The following HECW2 variants were observed in gnomAD, a reference collection of about 807,000 sequenced individuals.
HECW2 encodes the protein E3 ubiquitin-protein ligase HECW2.
A neutral mutation model predicts 175.2 loss-of-function variants in HECW2; 61 were observed. That is an observed-to-expected ratio of 0.35 (90% CI 0.28 to 0.43). The LOEUF is 0.43. Ranked by LOEUF, HECW2 falls within the 20% of genes least tolerant of loss-of-function variation. The pLI is 1.00. For synonymous variants in HECW2, 671 were observed against 731.0 expected, an observed-to-expected ratio of 0.92 and a Z score of 1.32; for missense variants, 1,524 against 2,000.5, an observed-to-expected ratio of 0.76 and a Z score of 4.54.
intron 1 of HECW2, among the ~76,000 whole-genome samples, chr2:196,502,962 C>T (rs1192356985): frequency 3.9e-5 from 6 of 152,204 alleles, no homozygotes; most frequent in African/African-American, 7.2e-5. Context: ...CCTTGACTTT[C>T]ATAATGGCCT....
At chr2:196,208,278 C>T (rs751805146) in intron 28 of HECW2, among the ~76,000 whole-genome samples, 2 of 152,196 alleles carry the variant, frequency 1.3e-5, no homozygotes, top group Non-Finnish European at 2.9e-5. Flanking sequence ...TCTATCCCAA[C>T]TTTTCAGATA....
intron 8 of HECW2, 45 bp downstream of exon 8, chr2:196,320,294 T>C (rs751096303): frequency 8.5e-7 from 1 of 1,177,034 alleles, no homozygotes; most frequent in Non-Finnish European, 1.2e-6. Flanking sequence ...GTTTAACAAG[T>C]TTTTCCTATA....
At position 196,198,791 on chromosome 2, in the gene HECW2, T is replaced by C. The variant is rs1309381738; in HGVS notation, c.*2486A>G. ...AAATGTTATTTAATATTTTATATAG[T>C]TATTACTGGCTGTTTTGTTTTACTA... is the stretch of plus-strand genomic sequence containing the variant. On this transcript the variant is annotated 3_prime_UTR_variant, in exon 29 of 29. Coordinates refer to ENST00000644978, the MANE Select transcript of HECW2 (RefSeq NM_001348768.2). 1 of 152,210 alleles carries C rather than the reference T, an allele frequency of 6.6e-6. No homozygotes were observed. The highest frequency in any genetic ancestry group is 1.9e-4 in the East Asian group (1 of 5,206). The allele number at this position is 152,210 out of a possible 1,614,324, so 9.4% of individuals were successfully genotyped here. A position where few individuals can be genotyped will look rare whatever the true frequency, so the allele number is the denominator to read the frequency against.
chr2:196,293,018 G>A lies in HECW2; in HGVS notation c.2815-268C>T, dbSNP rs192590364. ...CTTTTATTTGTATTTGAAGTTCTGG[G>A]GTACATGTGCAAGAAGAGCACGTTT... is the stretch of plus-strand genomic sequence containing the variant. On this transcript the variant is annotated intron_variant, in intron 13 of 28. Coordinates refer to ENST00000644978, the MANE Select transcript of HECW2 (RefSeq NM_001348768.2). 3.3e-5 allele frequency among the ~76,000 whole-genome samples: 5 copies of A among 152,198 alleles called. No individual in the cohort carries two copies. The East Asian group carries it at 9.6e-4, about 29-fold the overall frequency.
At chr2:196,243,665 T>C (rs1326210928) in intron 19 of HECW2, among the ~76,000 whole-genome samples, 2 of 151,184 alleles carry the variant, frequency 1.3e-5, no homozygotes, top group Non-Finnish European at 3.0e-5. Flanking sequence ...ACCCAACCTC[T>C]GTCTCCTGAG....
intron 2 of HECW2, among the ~76,000 whole-genome samples, chr2:196,419,205 A>C (rs571279250): frequency 2.0e-5 from 3 of 152,346 alleles, no homozygotes; most frequent in East Asian, 3.9e-4. Flanking sequence ...ATATTATAAA[A>C]TACCTAAGGG....
At chr2:196,322,822 G>A (rs1213046038) in intron 6 of HECW2, among the ~76,000 whole-genome samples, 2 of 152,186 alleles carry the variant, frequency 1.3e-5, no homozygotes, top group African/African-American at 4.8e-5. Flanking sequence ...CAGCAGTCAA[G>A]GATCTGTATG....
chr2:196,586,389 G>T (rs1383838160), intron 1 of HECW2: 1 of 152,092 alleles, frequency 6.6e-6, no homozygotes, highest in Non-Finnish European at 1.5e-5. Context: ...TTGCTCCAAA[G>T]ATATCTTACT....
At position 196,280,901 on chromosome 2, in the gene HECW2, A is replaced by G. The variant is rs557646790; in HGVS notation, c.3001-2239T>C. Among the ~76,000 whole-genome samples, 207 of 152,340 alleles carry G rather than the reference A, an allele frequency of 1.4e-3. 1 individual carries two copies. Among genetic ancestry groups the G allele is most frequent in the Admixed American group, 3.5e-3 (54 of 15,300 alleles). On this transcript the variant is annotated intron_variant, in intron 14 of 28. Coordinates refer to ENST00000644978, the MANE Select transcript of HECW2 (RefSeq NM_001348768.2). ...CCAAACCCATATCCTCTGTATGTAA[A>G]TGGAGAGTAACAAGCTTTTATTACT...
chr2:196,215,514 TGAAGGG>T (rs1374153853), intron 28 of HECW2, among the ~76,000 whole-genome samples: 7 of 152,250 alleles, frequency 4.6e-5, no homozygotes, highest in African/African-American at 1.7e-4. Flanking sequence ...TAATTTTTAC[TGAAGGG>T]ATTCTAAATA....
At chr2:196,313,915 G>C (rs1298459929) in intron 10 of HECW2, among the ~76,000 whole-genome samples, 1 of 152,046 alleles carries the variant, frequency 6.6e-6, no homozygotes, top group Non-Finnish European at 1.5e-5. Flanking sequence ...AAAAAAACCA[G>C]CCAGGCATGA....
intron 1 of HECW2, among the ~76,000 whole-genome samples, chr2:196,587,341 G>T (rs1559190387): frequency 6.6e-6 from 1 of 152,226 alleles, no homozygotes; most frequent in Admixed American, 6.5e-5. Context: ...GGGATAGCAA[G>T]TCCAATAAAA....
chr2:196,284,289 G>A (rs904498425), intron 14 of HECW2, among the ~76,000 whole-genome samples: 2 of 152,188 alleles, frequency 1.3e-5, no homozygotes, highest in Non-Finnish European at 2.9e-5. Context: ...GGCCATGGGT[G>A]GAGAATAGGT....
intron 1 of HECW2, among the ~76,000 whole-genome samples, chr2:196,482,707 A>T (rs1245233968): frequency 1.3e-5 from 2 of 152,186 alleles, no homozygotes; most frequent in Non-Finnish European, 2.9e-5. Flanking sequence ...CAGAAGGCAG[A>T]GCTCCATGCT....
chr2:196,545,969 A>G (rs111381755), intron 1 of HECW2, among the ~76,000 whole-genome samples: 29 of 152,352 alleles, frequency 1.9e-4, no homozygotes, highest in Admixed American at 5.9e-4. Context: ...TTCCAAGTAT[A>G]TATCTTTGAC....
intron 3 of HECW2, among the ~76,000 whole-genome samples, chr2:196,338,440 G>A (rs925128187): frequency 2.6e-5 from 4 of 152,030 alleles, no homozygotes; most frequent in Non-Finnish European, 4.4e-5. Flanking sequence ...ATACTCTTTC[G>A]TATATTACCT....
At chr2:196,271,722 T>C (rs748664112) in intron 16 of HECW2, among the ~76,000 whole-genome samples, 6 of 152,134 alleles carry the variant, frequency 3.9e-5, no homozygotes, top group Non-Finnish European at 7.4e-5. Context: ...CTGGGCAACA[T>C]AGTGAGAACT....
chr2:196,267,444 C>T (rs1319266435), intron 17 of HECW2, among the ~76,000 whole-genome samples: 2 of 151,946 alleles, frequency 1.3e-5, no homozygotes, highest in African/African-American at 2.4e-5. Context: ...TATAATAATG[C>T]CATGGGGACA....
intron 4 of HECW2, chr2:196,331,019 T>A: frequency 1.0e-5 from 3 of 299,522 alleles, no homozygotes; most frequent in East Asian, 1.8e-4. Flanking sequence ...ATAAAAGCCA[T>A]CACTAATCCA....
Sources: gnomAD v4.1 joint callset for allele counts (sites outside exome capture counted in the v4.1 genomes callset) on GRCh38, gnomAD v4.1.1 for gene constraint, MANE v1.5 for transcripts, NCBI Gene and HGNC (gene_info 2026-07-23, HGNC 2026-07-21) for gene names.